The following DNAH8 variants were observed in gnomAD, a reference collection of about 807,000 sequenced individuals.
DNAH8 encodes the protein axonemal beta dynein heavy chain 8.
In DNAH8, 382 loss-of-function variants were observed where a neutral mutation model predicts 562.1. The ratio of observed to expected loss-of-function variants is 0.68; its 90% CI spans 0.63 to 0.74. The LOEUF is 0.74. Ranked by LOEUF, DNAH8 falls within the 30% of genes least tolerant of loss-of-function variation. DNAH8 has a pLI of 0.00. For synonymous variants in DNAH8, 1,881 were observed against 1,919.4 expected, an observed-to-expected ratio of 0.98 and a Z score of 0.52; for missense variants, 5,203 against 5,620.4, an observed-to-expected ratio of 0.93 and a Z score of 2.37.
intron 85 of DNAH8, among the ~76,000 whole-genome samples, chr6:38,978,447 T>C (rs1013565531): frequency 6.6e-6 from 1 of 152,210 alleles, no homozygotes; most frequent in African/African-American, 2.4e-5. Context: ...GGAGAGATGG[T>C]TATAAAATTC....
chr6:39,030,500 T>C lies in DNAH8; in HGVS notation c.*108T>C. On this transcript the variant is annotated 3_prime_UTR_variant, in exon 93 of 93. Transcript: ENST00000327475. ...CTCCCCAGTAATTCCTTAATTACTCTTTCTACATTAAAAAGTTGATGTTCT... is the reference window on the plus strand; with the variant it reads ...CTCCCCAGTAATTCCTTAATTACTCCTTCTACATTAAAAAGTTGATGTTCT... 1.0e-6 allele frequency: 1 copy of C among 969,662 alleles called. No individual in the cohort carries two copies. Among genetic ancestry groups the C allele is most frequent in the South Asian group, 1.7e-5 (1 of 58,640 alleles). 60.1% of individuals were successfully genotyped at this position (969,662 alleles called of 1,614,324 possible). A position where few individuals can be genotyped will look rare whatever the true frequency, so the allele number is the denominator to read the frequency against.
At position 38,973,772 on chromosome 6, in the gene DNAH8, A is replaced by G. The variant is rs757129008; in HGVS notation, c.12637A>G (p.Thr4213Ala). ...ASDDSFRVWI[T>A]TEPHDRFPIT... ...TGATGATTCTTTCCGAGTATGGATAACTACGGAGCCCCATGATCGATTTCC... is the reference window on the plus strand; with the variant it reads ...TGATGATTCTTTCCGAGTATGGATAGCTACGGAGCCCCATGATCGATTTCC... The change falls in exon 84 of 93, where the codon ACT becomes GCT. Residue 4213 changes from threonine (T) to alanine (A), a missense_variant. Thr to Ala is a moderately conservative substitution (Grantham distance 58, BLOSUM62 0). Coordinates refer to ENST00000327475, the MANE Select transcript of DNAH8 (RefSeq NM_001206927.2). The G allele has an allele frequency of 8.1e-6, 13 of 1,609,812 alleles. No homozygotes were observed. The Admixed American group carries it at 2.0e-4, about 25-fold the overall frequency.
chr6:38,988,875 T>G (rs780158575), intron 87 of DNAH8, among the ~76,000 whole-genome samples: 1 of 152,336 alleles, frequency 6.6e-6, no homozygotes, highest in East Asian at 1.9e-4. Flanking sequence ...TTTAGTACTT[T>G]GCTTATTTTT....
At position 38,832,408 on chromosome 6, in the gene DNAH8, G is replaced by T; in HGVS notation, c.4275G>T (p.Val1425=). ...LESVEVFRED[V]INFAEAYELE... is the part of the protein sequence containing the mutation. ...CTGTGGAAGTTTTTCGTGAGGACGT[G>T]ATAAACTTTGCAGAAGCATATGAAT... The change falls in exon 31 of 93, where the codon GTG becomes GTT. Residue 1425 remains valine, a synonymous_variant. Coordinates refer to ENST00000327475, the MANE Select transcript of DNAH8 (RefSeq NM_001206927.2). 6.2e-7 allele frequency: 1 copy of T among 1,611,586 alleles called. No homozygotes were observed.
intron 28 of DNAH8, among the ~76,000 whole-genome samples, chr6:38,824,835 T>A (rs754348767): frequency 2.6e-5 from 4 of 152,042 alleles, no homozygotes; most frequent in Non-Finnish European, 5.9e-5. Context: ...GTACTTGTGA[T>A]TCTCTGAGGA....
intron 8 of DNAH8, among the ~76,000 whole-genome samples, chr6:38,742,718 C>G (rs1562616064): frequency 6.6e-6 from 1 of 151,886 alleles, no homozygotes; most frequent in Non-Finnish European, 1.5e-5. Context: ...AATCACATAC[C>G]CTTAGCCCCA....
rs999890677 is a variant in DNAH8 at position 38,890,526 on chromosome 6, A to T, written c.8474-126A>T. ...CACTACTGACTCCCAGTCTTAGCTG[A>T]TCCCTTGAGAGAAATTCTGAACAAC... On this transcript the variant is annotated intron_variant, in intron 57 of 92. Transcript: ENST00000327475. The T allele has an allele frequency of 1.2e-5, 8 of 694,280 alleles. No homozygotes were observed. In the East Asian group the frequency reaches 1.3e-4, roughly 11 times the overall value. 43.0% of individuals were successfully genotyped at this position (694,280 alleles called of 1,614,324 possible).
chr6:38,833,820 G>A (rs1774057983), intron 31 of DNAH8, among the ~76,000 whole-genome samples: 1 of 151,992 alleles, frequency 6.6e-6, no homozygotes, highest in African/African-American at 2.4e-5. Context: ...TTGGGCCTCA[G>A]TTTACTTTTT....
intron 84 of DNAH8, 91 bp from the exon 85 acceptor site, chr6:38,974,283 G>T: frequency 9.6e-7 from 1 of 1,046,350 alleles, no homozygotes. Flanking sequence ...AAGCATTTCA[G>T]ATAAAGGATA....
intron 85 of DNAH8, among the ~76,000 whole-genome samples, chr6:38,974,806 A>G (rs1394742941): frequency 1.3e-5 from 2 of 152,204 alleles, no homozygotes; most frequent in African/African-American, 4.8e-5. Flanking sequence ...TCACAACAGC[A>G]CGCAGGGGAT....
At chr6:38,745,148 C>T (rs1221897279) in intron 8 of DNAH8, among the ~76,000 whole-genome samples, 2 of 152,140 alleles carry the variant, frequency 1.3e-5, no homozygotes, top group Admixed American at 6.5e-5. Flanking sequence ...GATAAATTCC[C>T]CTAAACTCAG....
chr6:38,835,748 GAC>G (rs1398210615), intron 32 of DNAH8, among the ~76,000 whole-genome samples: 1 of 152,148 alleles, frequency 6.6e-6, no homozygotes, highest in Admixed American at 6.5e-5. Context: ...GGAACGAGGT[GAC>G]AGAGTGGGCA....
rs1195186124 is a variant in DNAH8 at position 38,913,885 on chromosome 6, C to T, written c.9896C>T (p.Ala3299Val). The T allele has an allele frequency of 4.3e-6, 7 of 1,613,216 alleles. No individual in the cohort carries two copies. The highest frequency in any genetic ancestry group is 5.9e-6 in the Non-Finnish European group (7 of 1,179,516). ...CTAATGGAGGCAAGTGAATCTGTTG[C>T]TAAACTCTCTCAGGATCTTGCAGTC... The part of the protein sequence containing the change: ...DKLMEASESV[A>V]KLSQDLAVKE... The change falls in exon 67 of 93, where the codon GCT becomes GTT. Residue 3299 changes from alanine to valine, a missense_variant. Transcript: ENST00000327475.
chr6:38,883,589 G>A, intron 55 of DNAH8, 133 bp downstream of exon 55: 1 of 1,068,010 alleles, frequency 9.4e-7, no homozygotes, highest in Non-Finnish European at 1.3e-6. Context: ...TTGGCATTCA[G>A]CTGTTTAGCT....
chr6:38,759,241 A>G (rs1181386518), intron 10 of DNAH8, among the ~76,000 whole-genome samples: 5 of 152,062 alleles, frequency 3.3e-5, no homozygotes, highest in Non-Finnish European at 7.4e-5. Flanking sequence ...CTGGGAGTTC[A>G]AGAATGCAGT....
chr6:38,916,638 C>T (rs1215590068), intron 68 of DNAH8, among the ~76,000 whole-genome samples: 1 of 152,080 alleles, frequency 6.6e-6, no homozygotes, highest in Admixed American at 6.6e-5. Flanking sequence ...CTTACTGTAA[C>T]GTACAAAAGG....
intron 78 of DNAH8, 83 bp downstream of exon 78, chr6:38,938,309 T>C (rs1783133701): frequency 1.4e-6 from 2 of 1,467,676 alleles, no homozygotes; most frequent in African/African-American, 1.4e-5. Context: ...GCTTTTTCAC[T>C]ATTCACAATA....
intron 11 of DNAH8, among the ~76,000 whole-genome samples, chr6:38,767,460 A>C (rs1767128985): frequency 1.3e-5 from 2 of 150,726 alleles, no homozygotes; most frequent in South Asian, 4.2e-4. Flanking sequence ...AAAATTCCCC[A>C]AACTCTCTGC....
intron 75 of DNAH8, chr6:38,931,447 G>A (rs1782544761): frequency 6.5e-6 from 1 of 153,512 alleles, no homozygotes. Context: ...TTCTTAACTG[G>A]AGAAAAAATA....
Sources: gnomAD v4.1 joint callset for allele counts (sites outside exome capture counted in the v4.1 genomes callset) on GRCh38, gnomAD v4.1.1 for gene constraint, MANE v1.5 for transcripts, NCBI Gene and HGNC (gene_info 2026-07-23, HGNC 2026-07-21) for gene names.